DLG2: variants seen among roughly 807,000 people sequenced by gnomAD.
The protein encoded by DLG2 is discs large MAGUK scaffold protein 2, also known as disks large homolog 2.
DLG2 carries 45 observed loss-of-function variants against 132.5 expected under a neutral mutation model. The observed-to-expected ratio is 0.34, with a 90% confidence interval of 0.27 to 0.44. DLG2 has a LOEUF of 0.44. Among genes scored for constraint, DLG2 ranks in the 20% least tolerant of loss-of-function variants. The pLI is 1.00. For synonymous variants in DLG2, 424 were observed against 419.6 expected, an observed-to-expected ratio of 1.01 and a Z score of -0.13; for missense variants, 1,045 against 1,196.9, an observed-to-expected ratio of 0.87 and a Z score of 1.87.
chr11:84,641,962 T>A (rs545992021), intron 6 of DLG2, among the ~76,000 whole-genome samples: 1 of 150,614 alleles, frequency 6.6e-6, no homozygotes. Flanking sequence ...TACGTATATA[T>A]GTATATATAT....
chr11:84,409,071 C>T (rs1006527298), intron 7 of DLG2, among the ~76,000 whole-genome samples: 14 of 152,142 alleles, frequency 9.2e-5, no homozygotes, highest in African/African-American at 2.7e-4. Context: ...GTCTCATCTC[C>T]TGCTCTTCCT....
intron 18 of DLG2, among the ~76,000 whole-genome samples, chr11:83,675,832 C>G (rs1172758713): frequency 4.6e-5 from 7 of 152,168 alleles, no homozygotes; most frequent in Non-Finnish European, 1.0e-4. Flanking sequence ...TACCTCAAAT[C>G]CTTTCCTTCT....
chr11:84,530,358 C>T (rs2099333341), intron 7 of DLG2, among the ~76,000 whole-genome samples: 1 of 152,188 alleles, frequency 6.6e-6, no homozygotes, highest in East Asian at 1.9e-4. Context: ...AAATAGACAA[C>T]CTACAGAATT....
chr11:83,884,479 GGCCTGCTT>G (rs1399010467), intron 15 of DLG2, among the ~76,000 whole-genome samples: 2 of 152,204 alleles, frequency 1.3e-5, no homozygotes, highest in Non-Finnish European at 2.9e-5. Context: ...AGCTCAAGGA[GGCCTGCTT>G]GCCTCTGTAG....
intron 12 of DLG2, among the ~76,000 whole-genome samples, chr11:83,975,917 C>T (rs576639859): frequency 5.3e-5 from 8 of 151,882 alleles, no homozygotes; most frequent in Admixed American, 2.0e-4. Context: ...AAATAGTTTT[C>T]GGGAGGTATT....
At chr11:84,410,312 C>T (rs1324114966) in intron 7 of DLG2, among the ~76,000 whole-genome samples, 1 of 152,126 alleles carries the variant, frequency 6.6e-6, no homozygotes, top group Non-Finnish European at 1.5e-5. Context: ...CTCACACTGT[C>T]AAGCTGATGG....
intron 4 of DLG2, among the ~76,000 whole-genome samples, chr11:85,259,062 G>C (rs1373250236): frequency 6.6e-6 from 1 of 152,058 alleles, no homozygotes; most frequent in Non-Finnish European, 1.5e-5. Context: ...TTCCCTTACT[G>C]TGTAATATGG....
rs78739920 is a variant in DLG2, at chr11:84,488,857, T to C, written c.519+45713A>G. 6.3e-3 allele frequency among the ~76,000 whole-genome samples: 963 copies of C among 152,300 alleles called. 12 individuals are homozygous for C. The highest frequency in any genetic ancestry group is 0.023 in the African/African-American group (938 of 41,544). On this transcript the variant is annotated intron_variant, in intron 7 of 27. Transcript: ENST00000376104. ...ACTGTACACCTAAATAAATGTTAAATATTTGTAGAATTGATCCAATAAACT... is the reference window on the plus strand; with the variant it reads ...ACTGTACACCTAAATAAATGTTAAACATTTGTAGAATTGATCCAATAAACT...
chr11:84,404,619 T>C (rs2098842202), intron 7 of DLG2, among the ~76,000 whole-genome samples: 1 of 152,172 alleles, frequency 6.6e-6, no homozygotes, highest in Non-Finnish European at 1.5e-5. Flanking sequence ...GATATCTATG[T>C]ACAGGATGAT....
At chr11:85,027,656 A>G (rs1239186739) in intron 6 of DLG2, among the ~76,000 whole-genome samples, 2 of 152,256 alleles carry the variant, frequency 1.3e-5, no homozygotes, top group Non-Finnish European at 2.9e-5. Context: ...TCCAGGCACC[A>G]GCACAAGTGC....
chr11:84,122,457 C>T (rs905076538), intron 9 of DLG2, among the ~76,000 whole-genome samples: 7 of 152,128 alleles, frequency 4.6e-5, no homozygotes, highest in African/African-American at 1.7e-4. Flanking sequence ...ACCAGTGATG[C>T]CTGTCTTCAC....
chr11:84,932,495 C>G (rs945530342), intron 6 of DLG2, among the ~76,000 whole-genome samples: 1 of 151,988 alleles, frequency 6.6e-6, no homozygotes, highest in Non-Finnish European at 1.5e-5. Context: ...GACCTGTCCT[C>G]TAAGTTCCCA....
intron 8 of DLG2, among the ~76,000 whole-genome samples, chr11:84,216,624 G>A (rs1226271993): frequency 6.6e-6 from 1 of 152,166 alleles, no homozygotes; most frequent in Non-Finnish European, 1.5e-5. Context: ...ACGAAAAAGA[G>A]TAGGAAATAG....
intron 6 of DLG2, among the ~76,000 whole-genome samples, chr11:84,641,612 C>T (rs945034598): frequency 1.3e-5 from 2 of 152,212 alleles, no homozygotes; most frequent in East Asian, 1.9e-4. Context: ...CTATATGCTT[C>T]GCTTCAGTGA....
chr11:84,905,397 C>A (rs1463420131), intron 6 of DLG2, among the ~76,000 whole-genome samples: 1 of 152,122 alleles, frequency 6.6e-6, no homozygotes, highest in African/African-American at 2.4e-5. Flanking sequence ...AGACAGCCCC[C>A]AATAGACTCT....
At chr11:85,071,054 G>A (rs1256563017) in intron 6 of DLG2, among the ~76,000 whole-genome samples, 2 of 151,804 alleles carry the variant, frequency 1.3e-5, no homozygotes, top group Non-Finnish European at 2.9e-5. Flanking sequence ...CTACGCCTCT[G>A]TTTCATCATT....
At chr11:84,059,280 C>T (rs1446109631) in intron 11 of DLG2, 35 bp downstream of exon 11, 2 of 1,603,618 alleles carry the variant, frequency 1.2e-6, no homozygotes, top group Admixed American at 3.4e-5. Flanking sequence ...GATGGTTTGT[C>T]ACTAGTGTCT....
intron 7 of DLG2, among the ~76,000 whole-genome samples, chr11:84,526,460 AAGAACATTATATAGC>A (rs1209122297): frequency 6.6e-6 from 1 of 152,158 alleles, no homozygotes; most frequent in East Asian, 1.9e-4. Flanking sequence ...ACCTAGAGGA[AAGAACATTATATAGC>A]AGTCCTTCCT....
At chr11:84,230,667 G>A (rs774520024) in intron 8 of DLG2, among the ~76,000 whole-genome samples, 16 of 152,022 alleles carry the variant, frequency 1.1e-4, no homozygotes, top group East Asian at 1.9e-4. Flanking sequence ...TATGGAAAGC[G>A]GATGAATAAG....
Sources: gnomAD v4.1 joint callset for allele counts (sites outside exome capture counted in the v4.1 genomes callset) on GRCh38, gnomAD v4.1.1 for gene constraint, MANE v1.5 for transcripts, NCBI Gene and HGNC (gene_info 2026-07-23, HGNC 2026-07-21) for gene names.